The following VGLL4 variants were observed in gnomAD, a reference collection of about 807,000 sequenced individuals.
VGLL4 encodes vestigial like family member 4.
In VGLL4, 7 loss-of-function variants were observed where a neutral mutation model predicts 21.0. The ratio of observed to expected loss-of-function variants is 0.33; its 90% confidence interval spans 0.19 to 0.63. The LOEUF (loss-of-function observed/expected upper bound fraction) is 0.63, where lower values mean the gene tolerates loss of function less well. Ranked by LOEUF, VGLL4 falls within the 20% of genes least tolerant of loss-of-function variation. The pLI, the probability that VGLL4 is intolerant of heterozygous loss-of-function variation, is 0.78. For synonymous variants in VGLL4, 222 were observed against 173.2 expected, an observed-to-expected ratio of 1.28 and a Z score of -2.21; for missense variants, 394 against 425.7, an observed-to-expected ratio of 0.93 and a Z score of 0.66.
chr3:11,642,305 T>C (rs967685062), intron 1 of VGLL4, among the ~76,000 whole-genome samples: 10 of 151,960 alleles, frequency 6.6e-5, no homozygotes, highest in African/African-American at 2.4e-4. Context: ...TGAATGAGGG[T>C]TGTTGTTGTT....
chr3:11,567,008 T>C (rs1297941275), intron 2 of VGLL4, among the ~76,000 whole-genome samples: 1 of 152,094 alleles, frequency 6.6e-6, no homozygotes, highest in Non-Finnish European at 1.5e-5. Context: ...TGGAGGCGCA[T>C]TCAAGCCTTT....
intron 2 of VGLL4, among the ~76,000 whole-genome samples, chr3:11,575,769 G>A (rs1219279285): frequency 1.3e-5 from 2 of 152,232 alleles, no homozygotes; most frequent in African/African-American, 4.8e-5. Context: ...AGAATGAGGC[G>A]TAAAGTCAGA....
rs2073645939 is a variant in VGLL4 at position 11,568,650 on chromosome 3, T to G, written c.273-3631A>C. ...GTTCCCGGAGCTTCAAGACAGACAT[T>G]GTTTTCCAGGCCCCGCTCGCCCGGA... On this transcript the variant is annotated intron_variant, in intron 2 of 4. Transcript: ENST00000430365. The surrounding 1 kb of genome is among the most constrained non-coding windows in gnomAD (Gnocchi z 5.9). 8 of 1,566,336 alleles carry G rather than the reference T, an allele frequency of 5.1e-6. No homozygotes were observed. The highest frequency in any genetic ancestry group is 6.9e-6 in the Non-Finnish European group (8 of 1,153,912).
intron 2 of VGLL4, among the ~76,000 whole-genome samples, chr3:11,656,300 A>G (rs374950632): frequency 2.6e-4 from 40 of 152,186 alleles, no homozygotes; most frequent in African/African-American, 8.9e-4. Context: ...CTCTGTGGAA[A>G]GTGACATCTG....
intron 1 of VGLL4, among the ~76,000 whole-genome samples, chr3:11,621,087 C>T (rs528263965): frequency 6.6e-6 from 1 of 152,092 alleles, no homozygotes; most frequent in South Asian, 2.1e-4. Context: ...TAAGCAAATG[C>T]ACACACACAA....
At chr3:11,567,533 G>A (rs13066737) in intron 2 of VGLL4, among the ~76,000 whole-genome samples, 151 of 152,250 alleles carry the variant, frequency 9.9e-4, no homozygotes, top group South Asian at 4.6e-3. Flanking sequence ...ACATCCTGGC[G>A]ATTTTCAAAA....
chr3:11,657,021 G>A (rs150771783), intron 2 of VGLL4, among the ~76,000 whole-genome samples: 2 of 152,272 alleles, frequency 1.3e-5, no homozygotes, highest in Non-Finnish European at 2.9e-5. Context: ...GCAGTGACGG[G>A]CCTCCCAAGC....
At chr3:11,573,481 GCAGGTCATC>G (rs1363618851) in intron 2 of VGLL4, among the ~76,000 whole-genome samples, 1 of 152,170 alleles carries the variant, frequency 6.6e-6, no homozygotes, top group African/African-American at 2.4e-5. Context: ...GTCAGTATTT[GCAGGTCATC>G]CACCTTCGAC....
At chr3:11,710,201 C>T (rs1379515633) in intron 1 of VGLL4, among the ~76,000 whole-genome samples, 1 of 152,206 alleles carries the variant, frequency 6.6e-6, no homozygotes, top group Non-Finnish European at 1.5e-5. Flanking sequence ...GGACCCACCT[C>T]CAACATTGAG....
chr3:11,703,618 C>T (rs939266686), intron 1 of VGLL4, among the ~76,000 whole-genome samples: 5 of 152,126 alleles, frequency 3.3e-5, no homozygotes, highest in African/African-American at 1.2e-4. Context: ...TTTAATAAGA[C>T]TGGATTTTTA....
rs543496945 is a variant in VGLL4 at position 11,623,489 on chromosome 3, A to G, written c.82+19948T>C. On this transcript the variant is annotated intron_variant, in intron 1 of 4. Transcript: ENST00000430365. The stretch of plus-strand genomic sequence containing the variant: ...TCTGTCTGCAATTGGTTGAAAAAAA[A>G]TCCTGAGTCGAAGTGGACCCTCGAA... Among the ~76,000 whole-genome samples, 4 of 152,260 alleles carry G rather than the reference A, an allele frequency of 2.6e-5. No individual in the cohort carries two copies. The East Asian group carries it at 7.7e-4, about 29-fold the overall frequency.
chr3:11,631,377 C>A (rs546659538), intron 1 of VGLL4, among the ~76,000 whole-genome samples: 28 of 152,290 alleles, frequency 1.8e-4, no homozygotes, highest in Admixed American at 1.5e-3. Context: ...AAACTTAAGT[C>A]ATCCTGATTT....
chr3:11,589,225 T>C (rs1319417412), intron 2 of VGLL4, among the ~76,000 whole-genome samples: 1 of 152,134 alleles, frequency 6.6e-6, no homozygotes, highest in African/African-American at 2.4e-5. Context: ...ATAACAGCAC[T>C]GGACTAGGGA....
intron 2 of VGLL4, among the ~76,000 whole-genome samples, chr3:11,574,524 T>TA (rs1283143897): frequency 6.6e-6 from 1 of 152,276 alleles, no homozygotes; most frequent in East Asian, 1.9e-4. Flanking sequence ...AGAGATTTGC[T>TA]AAAGGATACA....
In VGLL4 at chr3:11,557,082, T is replaced by A. The variant is rs2072497812; in HGVS notation, c.*1474A>T. ...GCCCACGTCACCTGGTCAGGTGCCA[T>A]CGTCGTGAGCCTCTGGTGGGCCAGG... On this transcript the variant is annotated 3_prime_UTR_variant, in exon 5 of 5. Transcript: ENST00000430365. The A allele has an allele frequency of 6.6e-6, 1 of 152,372 alleles. No individual in the cohort carries two copies. Among genetic ancestry groups the A allele is most frequent in the African/African-American group, 2.4e-5 (1 of 41,402 alleles). The allele number at this position is 152,372 out of a possible 1,614,324, so 9.4% of individuals were successfully genotyped here.
chr3:11,686,475 A>G (rs2076450646), intron 2 of VGLL4, among the ~76,000 whole-genome samples: 1 of 152,200 alleles, frequency 6.6e-6, no homozygotes, highest in South Asian at 2.1e-4. Flanking sequence ...TCCTAGAGAC[A>G]GTGGAGCGGT....
At chr3:11,626,541 C>A (rs2075355215) in intron 1 of VGLL4, 2 of 412,946 alleles carry the variant, frequency 4.8e-6, no homozygotes, top group Admixed American at 2.7e-5. Context: ...TTTGAAGGTA[C>A]CATGACTATT....
chr3:11,638,147 T>C (rs181836125), intron 1 of VGLL4, among the ~76,000 whole-genome samples: 2 of 152,278 alleles, frequency 1.3e-5, no homozygotes, highest in East Asian at 3.9e-4. Context: ...ATTGAGAAGT[T>C]TGGAATCTCC....
chr3:11,573,331 GAAA>G (rs1559870396), intron 2 of VGLL4, among the ~76,000 whole-genome samples: 2 of 50,032 alleles, frequency 4.0e-5, no homozygotes, highest in Non-Finnish European at 8.7e-5. Flanking sequence ...AAGAAAGAAA[GAAA>G]GAAAGAAAGA....
Sources: gnomAD v4.1 joint callset for allele counts (sites outside exome capture counted in the v4.1 genomes callset) on GRCh38, gnomAD v4.1.1 for gene constraint, Gnocchi (gnomAD v3.1) non-coding constraint, MANE v1.5 for transcripts, NCBI Gene and HGNC (gene_info 2026-07-23, HGNC 2026-07-21) for gene names.